Variants in STK3 observed in about 807,000 individuals in gnomAD.
STK3 encodes the protein serine/threonine kinase 3, also known as serine/threonine-protein kinase 3.
In STK3, 41 loss-of-function variants were observed where a neutral mutation model predicts 58.0. The ratio of observed to expected loss-of-function variants is 0.71; its 90% CI spans 0.55 to 0.92. The LOEUF is 0.92. Ranked by LOEUF, STK3 falls within the 40% of genes least tolerant of loss-of-function variation. The pLI, the probability that STK3 is intolerant of heterozygous loss-of-function variation, is 0.00. For synonymous variants in STK3, 170 were observed against 191.0 expected (o/e 0.89, Z 0.91); for missense variants, 479 against 602.7 (o/e 0.79, Z 2.15).
At chr8:98,516,921 T>TA (rs1198399962) in intron 10 of STK3, among the ~76,000 whole-genome samples, 1 of 152,030 alleles carries the variant, frequency 6.6e-6, no homozygotes, top group Non-Finnish European at 1.5e-5. Flanking sequence ...GATAGAGAGT[T>TA]AAAAACTAAA....
intron 10 of STK3, among the ~76,000 whole-genome samples, chr8:98,501,068 T>A (rs1046931139): frequency 6.6e-6 from 1 of 152,132 alleles, no homozygotes. Flanking sequence ...CTCTCCAGCA[T>A]CTGTTGTTTC....
At chr8:98,478,097 A>ATGC (rs1821521446) in intron 10 of STK3, among the ~76,000 whole-genome samples, 2 of 152,182 alleles carry the variant, frequency 1.3e-5, no homozygotes, top group African/African-American at 4.8e-5. Flanking sequence ...TCTTGGTCAC[A>ATGC]TGCTGCTCTT....
chr8:98,925,541 T>C (rs1004425733), intron 1 of STK3, among the ~76,000 whole-genome samples: 3 of 152,206 alleles, frequency 2.0e-5, no homozygotes, highest in African/African-American at 7.2e-5. Flanking sequence ...CCTTAGCACT[T>C]TACTGTATAG....
chr8:98,582,353 T>C (rs1414480939), intron 7 of STK3, among the ~76,000 whole-genome samples: 3 of 151,964 alleles, frequency 2.0e-5, no homozygotes, highest in African/African-American at 7.2e-5. Flanking sequence ...TTTTTTAGTT[T>C]CCGTTTTTTG....
intron 1 of STK3, among the ~76,000 whole-genome samples, chr8:98,821,171 C>G (rs1834873863): frequency 6.6e-6 from 1 of 152,142 alleles, no homozygotes; most frequent in African/African-American, 2.4e-5. Context: ...CGCCCTTGCT[C>G]TGGGCTCCAG....
chr8:98,422,977 G>A (rs1022386190), intron 3 of STK3, among the ~76,000 whole-genome samples: 17 of 152,268 alleles, frequency 1.1e-4, no homozygotes, highest in Non-Finnish European at 2.4e-4. Flanking sequence ...CAGGTGATTC[G>A]AATATGCAGC....
intron 3 of STK3, among the ~76,000 whole-genome samples, chr8:98,850,964 T>G (rs1188175316): frequency 6.6e-6 from 1 of 152,120 alleles, no homozygotes; most frequent in Non-Finnish European, 1.5e-5. Flanking sequence ...GTGGCAGGTG[T>G]GTAACCTTCA....
chr8:98,886,969 G>A lies in STK3; in HGVS notation c.-78-3135C>T, dbSNP rs189596727. The stretch of plus-strand genomic sequence containing the variant: ...AAAAATTAGCTGGGTATGGTGGTGC[G>A]CGCCTGTAATCCCAGCTACTTGGGA... On this transcript the variant is annotated intron_variant, in intron 1 of 1. Transcript: ENST00000519420. 3.3e-5 allele frequency among the ~76,000 whole-genome samples: 5 copies of A among 152,036 alleles called. No homozygotes were observed. In the East Asian group the frequency reaches 5.8e-4, roughly 18 times the overall value.
intron 3 of STK3, among the ~76,000 whole-genome samples, chr8:98,855,140 C>G (rs1836622335): frequency 1.3e-5 from 2 of 152,340 alleles, no homozygotes; most frequent in South Asian, 4.1e-4. Flanking sequence ...AATATCATCT[C>G]ACCTGACAGC....
Position 98,817,331 on chromosome 8 carries a change from G to A in STK3, c.26+8184C>T, listed in dbSNP as rs186124108. 4.0e-3 allele frequency among the ~76,000 whole-genome samples: 602 copies of A among 152,104 alleles called. 3 individuals carry two copies. Among genetic ancestry groups the A allele is most frequent in the Non-Finnish European group, 4.9e-3 (330 of 67,994 alleles). On this transcript the variant is annotated intron_variant, in intron 1 of 10. Coordinates refer to ENST00000419617, the MANE Select transcript of STK3 (RefSeq NM_006281.4). ...TAGCTGGGTGTGGTGGCACACGCCC[G>A]TAGTCCCAGCGGCTTGGGAGGCTGA...
At chr8:98,396,119 A>T (rs1020958665) in intron 3 of STK3, among the ~76,000 whole-genome samples, 7 of 152,230 alleles carry the variant, frequency 4.6e-5, no homozygotes, top group Admixed American at 2.0e-4. Context: ...GGCACTAAAA[A>T]CTCAATTAGA....
rs559733874 is a variant in STK3, at chr8:98,529,686, C to A, written c.1142-2769G>T. 1.2e-4 allele frequency among the ~76,000 whole-genome samples: 19 copies of A among 152,258 alleles called. No individual in the cohort carries two copies. In the South Asian group the frequency reaches 3.3e-3, roughly 27 times the overall value. ...TGGAAGCAAGCCAAGTGCCCATTAG[C>A]AAAATGTGAGGAAGGAAATTCTGAC... On this transcript the variant is annotated intron_variant, in intron 9 of 10. Coordinates refer to ENST00000419617, the MANE Select transcript of STK3 (RefSeq NM_006281.4).
At chr8:98,591,385 G>A (rs1815301736) in intron 7 of STK3, among the ~76,000 whole-genome samples, 1 of 152,220 alleles carries the variant, frequency 6.6e-6, no homozygotes, top group Non-Finnish European at 1.5e-5. Flanking sequence ...GCTAGGCTAA[G>A]CTAGGATAGG....
chr8:98,457,835 C>CT (rs1285473311), intron 10 of STK3, among the ~76,000 whole-genome samples: 1 of 152,088 alleles, frequency 6.6e-6, no homozygotes, highest in Non-Finnish European at 1.5e-5. Flanking sequence ...TCTTGTACTA[C>CT]TTTTACTGGG....
intron 6 of STK3, among the ~76,000 whole-genome samples, chr8:98,643,674 T>C (rs537261011): frequency 2.0e-5 from 3 of 152,162 alleles, no homozygotes; most frequent in Non-Finnish European, 4.4e-5. Flanking sequence ...ATCCTGCCCA[T>C]AGAAAAGTGG....
intron 3 of STK3, among the ~76,000 whole-genome samples, chr8:98,838,234 C>A (rs1587730404): frequency 6.6e-6 from 1 of 152,240 alleles, no homozygotes; most frequent in East Asian, 1.9e-4. Context: ...CAAAATGAGA[C>A]TCCATCAAAA....
chr8:98,914,492 A>T (rs6999783), intron 1 of STK3, among the ~76,000 whole-genome samples: 13,048 of 136,128 alleles, frequency 0.096, 733 homozygotes, highest in African/African-American at 0.18. Context: ...ACACACACAC[A>T]CTCTCTCTCT....
At chr8:98,909,397 C>T (rs1839047013) in intron 1 of STK3, among the ~76,000 whole-genome samples, 1 of 152,088 alleles carries the variant, frequency 6.6e-6, no homozygotes. Context: ...GTGTACAATC[C>T]AATGTTTTTT....
intron 1 of STK3, among the ~76,000 whole-genome samples, chr8:98,901,488 C>T (rs372728290): frequency 2.6e-5 from 4 of 152,210 alleles, no homozygotes; most frequent in East Asian, 1.9e-4. Context: ...AGCCTGGGAG[C>T]GGGAAGGCTC....
Sources: gnomAD v4.1 joint callset for allele counts (sites outside exome capture counted in the v4.1 genomes callset) on GRCh38, gnomAD v4.1.1 for gene constraint, MANE v1.5 for transcripts, NCBI Gene and HGNC (gene_info 2026-07-23, HGNC 2026-07-21) for gene names.